TTC1: variants seen among roughly 807,000 people sequenced by gnomAD.
The protein encoded by TTC1 is tetratricopeptide repeat protein 1.
In TTC1, 31 loss-of-function variants were observed where a neutral mutation model predicts 37.6. That is an observed-to-expected ratio of 0.82 (90% CI 0.62 to 1.11). The LOEUF (loss-of-function observed/expected upper bound fraction) is 1.11, where lower values mean the gene tolerates loss of function less well. TTC1 is among the 50% of genes most tolerant of loss of function. The pLI, the probability that TTC1 is intolerant of heterozygous loss-of-function variation, is 0.00. For synonymous variants in TTC1, 127 were observed against 122.4 expected, an observed-to-expected ratio of 1.04 and a Z score of -0.25; for missense variants, 351 against 339.0, an observed-to-expected ratio of 1.04 and a Z score of -0.28.
intron 7 of TTC1, among the ~76,000 whole-genome samples, chr5:160,052,932 T>A (rs980436468): frequency 2.0e-5 from 3 of 152,258 alleles, no homozygotes; most frequent in African/African-American, 7.2e-5. Flanking sequence ...GTAAATAATA[T>A]GTGTTGTTAC....
chr5:160,015,613 C>A (rs748405387), intron 2 of TTC1, among the ~76,000 whole-genome samples: 3 of 152,196 alleles, frequency 2.0e-5, no homozygotes, highest in Non-Finnish European at 2.9e-5. Flanking sequence ...TGCACCCCTT[C>A]TCCCTCTACC....
chr5:160,012,557 C>G (rs918808862), intron 2 of TTC1, among the ~76,000 whole-genome samples: 3 of 151,876 alleles, frequency 2.0e-5, no homozygotes, highest in South Asian at 4.1e-4. Flanking sequence ...TTGGTAGAGA[C>G]AGTGTCTCAC....
intron 7 of TTC1, among the ~76,000 whole-genome samples, chr5:160,055,886 G>A (rs958929381): frequency 6.6e-6 from 1 of 152,368 alleles, no homozygotes; most frequent in African/African-American, 2.4e-5. Context: ...ATTTCAGAAT[G>A]TGTGGTCTTC....
chr5:160,014,137 A>C (rs1330088229), intron 2 of TTC1, among the ~76,000 whole-genome samples: 1 of 151,650 alleles, frequency 6.6e-6, no homozygotes, highest in Non-Finnish European at 1.5e-5. Flanking sequence ...CAGATCACCT[A>C]AGGTCAGGAG....
At chr5:160,059,838 G>A (rs963897473) in intron 7 of TTC1, among the ~76,000 whole-genome samples, 1 of 152,148 alleles carries the variant, frequency 6.6e-6, no homozygotes, top group Non-Finnish European at 1.5e-5. Context: ...AATATTATGA[G>A]AATTACCAAA....
intron 1 of TTC1, among the ~76,000 whole-genome samples, chr5:160,009,630 T>G (rs188334426): frequency 6.6e-6 from 1 of 152,328 alleles, no homozygotes; most frequent in Non-Finnish European, 1.5e-5. Context: ...CTGATGCCCT[T>G]GCTTGACGCG....
At chr5:160,041,263 C>T (rs1757087404) in intron 4 of TTC1, among the ~76,000 whole-genome samples, 1 of 151,220 alleles carries the variant, frequency 6.6e-6, no homozygotes, top group Admixed American at 6.6e-5. Context: ...ATACATAAAC[C>T]AATAACAGCC....
intron 4 of TTC1, among the ~76,000 whole-genome samples, chr5:160,042,346 G>C (rs563365530): frequency 1.6e-4 from 25 of 152,278 alleles, no homozygotes; most frequent in African/African-American, 5.8e-4. Flanking sequence ...ACACTTATTT[G>C]AAATACCTTA....
At position 160,020,195 on chromosome 5, in the gene TTC1, T is replaced by G. The variant is rs533431194; in HGVS notation, c.330+9337T>G. On this transcript the variant is annotated intron_variant, in intron 2 of 7. Transcript: ENST00000231238. ...CCGCCCGCCCCAGCCTCCTTTTCTT[T>G]CATTTCTAATAGGCATCCTTTGGAA... Among the ~76,000 whole-genome samples the G allele has an allele frequency of 1.8e-3, 269 of 152,274 alleles. 3 individuals are homozygous for G. Among genetic ancestry groups the G allele is most frequent in the African/African-American group, 6.1e-3 (255 of 41,572 alleles).
chr5:160,053,428 C>G (rs1757462227), intron 7 of TTC1, among the ~76,000 whole-genome samples: 1 of 152,018 alleles, frequency 6.6e-6, no homozygotes, highest in Non-Finnish European at 1.5e-5. Context: ...GCCAGGTGTG[C>G]TGGTGTGCAC....
chr5:160,016,550 C>T (rs1756609509), intron 2 of TTC1, among the ~76,000 whole-genome samples: 1 of 151,990 alleles, frequency 6.6e-6, no homozygotes, highest in Non-Finnish European at 1.5e-5. Context: ...GAAGGATATA[C>T]ACCAAAGTAT....
rs1436662082 is a variant in TTC1 at position 160,009,204 on chromosome 5, C to T, written c.-30+11C>T. On this transcript the variant is annotated intron_variant, in intron 1 of 7. Coordinates refer to ENST00000231238, the MANE Select transcript of TTC1 (RefSeq NM_003314.3). ...AGAAGCTGTGAGGTTGTGAGTAACC[C>T]CGTGGGTCTAAGCGTGTTGGCTGTG... 1.3e-5 allele frequency: 2 copies of T among 152,208 alleles called. No individual in the cohort carries two copies. The highest frequency in any genetic ancestry group is 2.9e-5 in the Non-Finnish European group (2 of 68,082). 9.4% of individuals were successfully genotyped at this position (152,208 alleles called of 1,614,324 possible). A position where few individuals can be genotyped will look rare whatever the true frequency, so the allele number is the denominator to read the frequency against.
intron 7 of TTC1, chr5:160,063,422 C>T (rs1450424904): frequency 2.0e-5 from 3 of 152,606 alleles, no homozygotes; most frequent in Non-Finnish European, 4.4e-5. Flanking sequence ...CCTATGTTGC[C>T]CAGGCTGGTC....
At chr5:160,025,478 T>TA in intron 2 of TTC1, among the ~76,000 whole-genome samples, 1 of 152,360 alleles carries the variant, frequency 6.6e-6, no homozygotes, top group East Asian at 1.9e-4. Flanking sequence ...ATTTTTAACA[T>TA]AGGTCTCGAA....
chr5:160,022,834 C>A (rs1430880837), intron 2 of TTC1, among the ~76,000 whole-genome samples: 1 of 152,156 alleles, frequency 6.6e-6, no homozygotes, highest in African/African-American at 2.4e-5. Flanking sequence ...AGAAAGGACA[C>A]TTGTAATAGT....
rs748728919 is a variant in TTC1 at position 160,049,670 on chromosome 5, C to A, written c.690+8C>A. Reference sequence around the variant, plus strand: ...GCAAGAGAAGCTTGTATGGTAAAACCTAAAATTTTAAAAATATTTTTCCTT... The same window carrying A: ...GCAAGAGAAGCTTGTATGGTAAAACATAAAATTTTAAAAATATTTTTCCTT... On this transcript the variant is annotated splice_region_variant and intron_variant, in intron 6 of 7. Transcript: ENST00000231238. The A allele has an allele frequency of 1.9e-6, 3 of 1,555,302 alleles. No individual in the cohort carries two copies. The highest frequency in any genetic ancestry group is 2.6e-6 in the Non-Finnish European group (3 of 1,158,686).
intron 7 of TTC1, among the ~76,000 whole-genome samples, chr5:160,064,502 G>A (rs948603105): frequency 1.3e-5 from 2 of 152,200 alleles, no homozygotes; most frequent in African/African-American, 2.4e-5. Context: ...GGCTGCTGCC[G>A]TTCTAGAGAG....
At chr5:160,019,151 T>G (rs1369463348) in intron 2 of TTC1, among the ~76,000 whole-genome samples, 1 of 152,188 alleles carries the variant, frequency 6.6e-6, no homozygotes, top group African/African-American at 2.4e-5. Flanking sequence ...TGGTATTCAT[T>G]TACATGTACA....
At chr5:160,042,878 T>C (rs1757125075) in intron 4 of TTC1, among the ~76,000 whole-genome samples, 1 of 152,160 alleles carries the variant, frequency 6.6e-6, no homozygotes, top group Non-Finnish European at 1.5e-5. Flanking sequence ...AATAGGTCAG[T>C]TAGAACAAAA....
Sources: gnomAD v4.1 joint callset for allele counts (sites outside exome capture counted in the v4.1 genomes callset) on GRCh38, gnomAD v4.1.1 for gene constraint, MANE v1.5 for transcripts, NCBI Gene and HGNC (gene_info 2026-07-23, HGNC 2026-07-21) for gene names.